Variants in TPH2 observed in about 807,000 individuals in gnomAD.
TPH2 encodes the protein tryptophan hydroxylase 2.
In TPH2, 27 loss-of-function variants were observed where a neutral mutation model predicts 59.1. The observed-to-expected ratio is 0.46, with a 90% CI of 0.34 to 0.63. The LOEUF is 0.63. TPH2 is among the 30% of genes least tolerant of loss of function. The probability of loss-of-function intolerance (pLI) is 0.01; values close to 1 mark genes in which losing one functional copy is unlikely to be tolerated. For synonymous variants in TPH2, 220 were observed against 210.5 expected (o/e 1.05, Z -0.39); for missense variants, 523 against 588.3 (o/e 0.89, Z 1.15).
chr12:71,978,620 C>T (rs1018364275), intron 6 of TPH2, among the ~76,000 whole-genome samples: 5 of 152,254 alleles, frequency 3.3e-5, no homozygotes, highest in Middle Eastern at 3.4e-3. Context: ...AGGTAATGTG[C>T]GGTAAGCATC....
At chr12:71,985,273 A>C (rs1872398743) in intron 7 of TPH2, among the ~76,000 whole-genome samples, 1 of 152,234 alleles carries the variant, frequency 6.6e-6, no homozygotes, top group Admixed American at 6.5e-5. Flanking sequence ...CTACTTTGTT[A>C]ATCAGTAACA....
At chr12:71,975,787 C>T (rs1270702241) in intron 6 of TPH2, among the ~76,000 whole-genome samples, 1 of 152,136 alleles carries the variant, frequency 6.6e-6, no homozygotes, top group Non-Finnish European at 1.5e-5. Context: ...TGAGAACTAC[C>T]GATCAGTATC....
intron 8 of TPH2, among the ~76,000 whole-genome samples, chr12:72,009,569 G>A (rs1873046743): frequency 6.6e-6 from 1 of 152,176 alleles, no homozygotes; most frequent in African/African-American, 2.4e-5. Flanking sequence ...CAGCTCTCTT[G>A]AGCAGTGCTA....
chr12:72,005,300 C>T (rs968434125), intron 8 of TPH2, among the ~76,000 whole-genome samples: 3 of 152,038 alleles, frequency 2.0e-5, no homozygotes, highest in African/African-American at 7.2e-5. Flanking sequence ...GAAGAGGAGG[C>T]TAATGCAGGG....
intron 9 of TPH2, among the ~76,000 whole-genome samples, chr12:72,029,967 G>A (rs568101130): frequency 3.4e-4 from 52 of 152,142 alleles, no homozygotes; most frequent in Non-Finnish European, 5.9e-4. Flanking sequence ...GTTAGAGACT[G>A]AGAAGGTAGA....
At chr12:71,971,866 C>A (rs1049753380) in intron 5 of TPH2, among the ~76,000 whole-genome samples, 1 of 152,182 alleles carries the variant, frequency 6.6e-6, no homozygotes, top group Non-Finnish European at 1.5e-5. Flanking sequence ...GACCCACAAG[C>A]CTAAAATATT....
At chr12:71,944,509 T>G in intron 3 of TPH2, 32 bp downstream of exon 3, 2 of 1,613,892 alleles carry the variant, frequency 1.2e-6, no homozygotes, top group Non-Finnish European at 1.7e-6. Flanking sequence ...CGGGTAACTT[T>G]GCAATCTGAC....
chr12:71,940,869 C>T (rs2139175333), intron 1 of TPH2, among the ~76,000 whole-genome samples: 1 of 152,126 alleles, frequency 6.6e-6, no homozygotes, highest in East Asian at 1.9e-4. Context: ...ACTGTTTGCC[C>T]CTAATAATTA....
intron 5 of TPH2, among the ~76,000 whole-genome samples, chr12:71,971,740 T>C (rs1480016276): frequency 6.6e-6 from 1 of 152,208 alleles, no homozygotes; most frequent in African/African-American, 2.4e-5. Flanking sequence ...TACACTACTG[T>C]TTATGGGCCA....
chr12:71,978,390 G>A (rs542655164), intron 6 of TPH2, among the ~76,000 whole-genome samples: 1 of 152,238 alleles, frequency 6.6e-6, no homozygotes, highest in South Asian at 2.1e-4. Flanking sequence ...CTTACCATAA[G>A]CCAATAGAGC....
intron 5 of TPH2, among the ~76,000 whole-genome samples, chr12:71,966,190 G>C (rs1871812728): frequency 6.6e-6 from 1 of 151,750 alleles, no homozygotes; most frequent in Non-Finnish European, 1.5e-5. Context: ...AATCAAGAAG[G>C]AACAAGAGAC....
At chr12:72,029,616 A>G (rs1873666343) in intron 9 of TPH2, among the ~76,000 whole-genome samples, 1 of 152,208 alleles carries the variant, frequency 6.6e-6, no homozygotes. Flanking sequence ...CATTGAATCT[A>G]GCACAAATGC....
At chr12:71,939,529 A>C (rs1870999436) in intron 1 of TPH2, among the ~76,000 whole-genome samples, 1 of 152,128 alleles carries the variant, frequency 6.6e-6, no homozygotes, top group African/African-American at 2.4e-5. Flanking sequence ...CACCCCCTTC[A>C]GTTTACAAAG....
At chr12:72,007,321 G>T (rs1872981067) in intron 8 of TPH2, among the ~76,000 whole-genome samples, 1 of 152,146 alleles carries the variant, frequency 6.6e-6, no homozygotes, top group Admixed American at 6.5e-5. Flanking sequence ...TATTGTTTGT[G>T]CCAGTGAGGG....
Position 72,031,249 on chromosome 12 carries a change from A to AT in TPH2, c.1165-5dup. The AT allele has an allele frequency of 6.2e-7, 1 of 1,613,246 alleles. No homozygotes were observed. The highest frequency in any genetic ancestry group is 8.5e-7 in the Non-Finnish European group (1 of 1,179,376). The stretch of plus-strand genomic sequence containing the variant: ...CAGAGTTTAACAGGTTTTGTGGTAT[A>AT]TTTTGCAGCACGCCCTTTCTGACAA... On this transcript the variant is annotated splice_polypyrimidine_tract_variant and intron_variant, in intron 9 of 10. Transcript: ENST00000333850.
At chr12:71,941,817 A>T in intron 2 of TPH2, 84 bp downstream of exon 2, 5 of 1,405,154 alleles carry the variant, frequency 3.6e-6, no homozygotes, top group Non-Finnish European at 5.0e-6. Context: ...AACATTACTG[A>T]ATCAATTTCT....
Position 72,031,882 on chromosome 12 carries a change from T to G in TPH2, c.*187T>G. ...GCACCATAAGAAATCCAATGGCAGA[T>G]AACCACTCATTGTATGAAATAACGT... On this transcript the variant is annotated 3_prime_UTR_variant, in exon 11 of 11. Coordinates refer to ENST00000333850, the MANE Select transcript of TPH2 (RefSeq NM_173353.4). 2 of 663,318 alleles carry G rather than the reference T, an allele frequency of 3.0e-6. No individual in the cohort carries two copies. Among genetic ancestry groups the G allele is most frequent in the South Asian group, 3.5e-5 (2 of 57,884 alleles). The allele number at this position is 663,318 out of a possible 1,614,324, so 41.1% of individuals were successfully genotyped here.
At chr12:71,998,455 A>G (rs1256418855) in intron 8 of TPH2, among the ~76,000 whole-genome samples, 1 of 152,136 alleles carries the variant, frequency 6.6e-6, no homozygotes, top group East Asian at 1.9e-4. Flanking sequence ...CATACCATCC[A>G]TCAGTTAAAA....
intron 7 of TPH2, among the ~76,000 whole-genome samples, chr12:71,989,733 C>T (rs1872534976): frequency 6.6e-6 from 1 of 152,206 alleles, no homozygotes; most frequent in South Asian, 2.1e-4. Flanking sequence ...AAATGCCAGA[C>T]TCATTTTGAA....
Sources: gnomAD v4.1 joint callset for allele counts (sites outside exome capture counted in the v4.1 genomes callset) on GRCh38, gnomAD v4.1.1 for gene constraint, MANE v1.5 for transcripts, NCBI Gene and HGNC (gene_info 2026-07-23, HGNC 2026-07-21) for gene names.